The following PDE8B variants were observed in gnomAD, a reference collection of about 807,000 sequenced individuals.
The protein encoded by PDE8B is high affinity cAMP-specific and IBMX-insensitive 3',5'-cyclic phosphodiesterase 8B.
Under a neutral mutation model 101.3 loss-of-function variants are expected in PDE8B, and 26 were observed. The observed-to-expected ratio is 0.26, with a 90% CI of 0.19 to 0.36. The LOEUF is 0.36. PDE8B is among the 10% of genes least tolerant of loss of function. The pLI, the probability that PDE8B is intolerant of heterozygous loss-of-function variation, is 1.00. For synonymous variants in PDE8B, 424 were observed against 429.3 expected (o/e 0.99, Z 0.15); for missense variants, 810 against 1,163.1 (o/e 0.70, Z 4.42).
In PDE8B at chr5:77,428,058, A is replaced by G. The variant is rs1798456589; in HGVS notation, c.*1504A>G. On this transcript the variant is annotated 3_prime_UTR_variant, in exon 22 of 22. Transcript: ENST00000264917. Reference sequence around the variant, plus strand: ...ATGACAATTCCATGCAAAGAAATGTATCTAAATTATTTTTGTTAGATGATA... The same window carrying G: ...ATGACAATTCCATGCAAAGAAATGTGTCTAAATTATTTTTGTTAGATGATA... 1 of 152,212 alleles carries G rather than the reference A, an allele frequency of 6.6e-6. No homozygotes were observed. The highest frequency in any genetic ancestry group is 2.1e-4 in the South Asian group (1 of 4,836). The allele number at this position is 152,212 out of a possible 1,614,324, so 9.4% of individuals were successfully genotyped here.
At chr5:77,183,969 C>CA in the PDE8B span, among the ~76,000 whole-genome samples, 3 of 137,188 alleles carry the variant, frequency 2.2e-5, no homozygotes, top group Non-Finnish European at 4.5e-5. Context: ...TAAATACATA[C>CA]TTTTTTTTTT....
At chr5:77,171,219 C>A in the PDE8B span, among the ~76,000 whole-genome samples, 938 of 152,234 alleles carry the variant, frequency 6.2e-3, 2 homozygotes, top group Non-Finnish European at 0.011. Flanking sequence ...GTATTCCAGG[C>A]AGATGGAAGT....
At chr5:77,159,080 A>G in the PDE8B span, among the ~76,000 whole-genome samples, 2 of 152,124 alleles carry the variant, frequency 1.3e-5, no homozygotes, top group Non-Finnish European at 2.9e-5. Context: ...TGTGGTCTCA[A>G]TGGGACTTGA....
At chr5:77,110,062 C>A in the PDE8B span, among the ~76,000 whole-genome samples, 1 of 150,688 alleles carries the variant, frequency 6.6e-6, no homozygotes, top group Non-Finnish European at 1.5e-5. Context: ...CTCAGCCTCC[C>A]AAATAGCTGG....
At chr5:77,242,390 T>G (rs1471327373) in intron 1 of PDE8B, among the ~76,000 whole-genome samples, 1 of 152,226 alleles carries the variant, frequency 6.6e-6, no homozygotes, top group Non-Finnish European at 1.5e-5. Context: ...TACATCAGCA[T>G]GTTTTAAAGT....
intron 1 of PDE8B, among the ~76,000 whole-genome samples, chr5:77,274,904 AAAAGAG>A (rs1287992449): frequency 6.6e-6 from 1 of 152,232 alleles, no homozygotes; most frequent in African/African-American, 2.4e-5. Context: ...CAGAGAGAGA[AAAAGAG>A]AAAGAGAAAG....
At chr5:77,361,600 C>T (rs180776515) in intron 10 of PDE8B, among the ~76,000 whole-genome samples, 1,822 of 151,754 alleles carry the variant, frequency 0.012, 11 homozygotes, top group Non-Finnish European at 0.018. Context: ...CTGCAAGCTC[C>T]GCCTCCCAGG....
At chr5:77,191,504 C>T in the PDE8B span, among the ~76,000 whole-genome samples, 2 of 152,034 alleles carry the variant, frequency 1.3e-5, no homozygotes, top group Non-Finnish European at 2.9e-5. Flanking sequence ...AGGTGCCCGC[C>T]ACCACACCTG....
intron 10 of PDE8B, among the ~76,000 whole-genome samples, chr5:77,359,145 G>T (rs376733718): frequency 9.2e-5 from 14 of 152,262 alleles, no homozygotes; most frequent in African/African-American, 2.9e-4. Flanking sequence ...GGGAGGAGGG[G>T]ACAGGGGTGG....
chr5:77,259,539 C>A (rs1760042071), intron 1 of PDE8B, among the ~76,000 whole-genome samples: 1 of 152,178 alleles, frequency 6.6e-6, no homozygotes, highest in Non-Finnish European at 1.5e-5. Context: ...TCTCCTCCAG[C>A]AAGCACATTG....
the PDE8B span, among the ~76,000 whole-genome samples, chr5:77,176,944 A>T: frequency 1.3e-5 from 2 of 151,990 alleles, no homozygotes; most frequent in Non-Finnish European, 2.9e-5. Context: ...CTAGACTTGG[A>T]ATTCTGTGCC....
In PDE8B at chr5:77,311,978, G is replaced by C. The variant is rs1242214212; in HGVS notation, c.340-16G>C. The C allele has an allele frequency of 1.2e-6, 2 of 1,608,876 alleles. No individual in the cohort carries two copies. The highest frequency in any genetic ancestry group is 2.7e-5 in the African/African-American group (2 of 74,804). ...GTTTAAGACTTGACGCTTCTCTTGT[G>C]CTGTCCTTTATTTAGCAGGTGTCTT... On this transcript the variant is annotated splice_polypyrimidine_tract_variant and intron_variant, in intron 1 of 21. Coordinates refer to ENST00000264917, the MANE Select transcript of PDE8B (RefSeq NM_003719.5).
At chr5:77,287,192 C>G (rs1319519101) in intron 1 of PDE8B, among the ~76,000 whole-genome samples, 1 of 151,834 alleles carries the variant, frequency 6.6e-6, no homozygotes, top group East Asian at 1.9e-4. Context: ...TGCAATAGTT[C>G]TAGTAACAAA....
the PDE8B span, among the ~76,000 whole-genome samples, chr5:77,158,037 C>A: frequency 2.0e-5 from 3 of 152,212 alleles, no homozygotes; most frequent in African/African-American, 7.2e-5. Flanking sequence ...GAAGGGGCTA[C>A]CTTTATCCTC....
At chr5:77,378,616 G>T (rs1786817778) in intron 10 of PDE8B, among the ~76,000 whole-genome samples, 1 of 152,168 alleles carries the variant, frequency 6.6e-6, no homozygotes, top group Non-Finnish European at 1.5e-5. Context: ...AGTAGTCAGA[G>T]AGCTTGCGAG....
intron 10 of PDE8B, among the ~76,000 whole-genome samples, chr5:77,359,731 C>T (rs1561580450): frequency 6.6e-6 from 1 of 152,118 alleles, no homozygotes; most frequent in Non-Finnish European, 1.5e-5. Context: ...ACCCCCACCA[C>T]CCCACCTCAC....
chr5:77,211,254 C>A lies in PDE8B; in HGVS notation c.329C>A (p.Thr110Asn), dbSNP rs750567358. Residue 110 changes from threonine to asparagine, a missense_variant, in exon 1 of 22, where the codon ACC becomes AAC. By Grantham distance (65) the Thr-to-Asn change is moderately conservative (BLOSUM62 0). Transcript: ENST00000264917. This position sits in a 1 kb window ranked among gnomAD's most constrained non-coding sequence, Gnocchi z 4.1. Reference protein sequence around the residue: ...SAEAETQTCYTSVKQVSSAEV... With the variant: ...SAEAETQTCYNSVKQVSSAEV... ...GAGGCCGAGACTCAGACCTGCTACACCAGCGTGAAGGTAAATGCCCCGCGC... is the reference window on the plus strand; with the variant it reads ...GAGGCCGAGACTCAGACCTGCTACAACAGCGTGAAGGTAAATGCCCCGCGC... 1.9e-6 allele frequency: 3 copies of A among 1,572,344 alleles called. No individual in the cohort carries two copies. The highest frequency in any genetic ancestry group is 1.7e-5 in the Admixed American group (1 of 57,310).
intron 1 of PDE8B, chr5:77,291,947 T>A (rs1561479968): frequency 4.2e-6 from 3 of 713,772 alleles, no homozygotes; most frequent in Non-Finnish European, 7.1e-6. Context: ...AAAGCCCTGA[T>A]TAAATCAAAA....
intron 17 of PDE8B, among the ~76,000 whole-genome samples, chr5:77,416,809 T>G (rs1795657031): frequency 6.6e-6 from 1 of 152,200 alleles, no homozygotes; most frequent in African/African-American, 2.4e-5. Flanking sequence ...CTCTTCCTCC[T>G]GCAGGCCTAG....
Sources: gnomAD v4.1 joint callset for allele counts (sites outside exome capture counted in the v4.1 genomes callset) on GRCh38, gnomAD v4.1.1 for gene constraint, Gnocchi (gnomAD v3.1) non-coding constraint, MANE v1.5 for transcripts, NCBI Gene and HGNC (gene_info 2026-07-23, HGNC 2026-07-21) for gene names.